Variants in HHAT observed in about 807,000 individuals in gnomAD.
The protein encoded by HHAT is hedgehog acyltransferase, also known as protein-cysteine N-palmitoyltransferase HHAT.
In HHAT, 47 loss-of-function variants were observed where a neutral mutation model predicts 70.8. That is an observed-to-expected ratio of 0.66 (90% CI 0.53 to 0.85). The LOEUF (loss-of-function observed/expected upper bound fraction) is 0.85. HHAT is among the 40% of genes least tolerant of loss of function. The probability of loss-of-function intolerance (pLI) is 0.00; values close to 1 mark genes in which losing one functional copy is unlikely to be tolerated. For missense variants in HHAT, 609 were observed against 604.8 expected, an observed-to-expected ratio of 1.01 and a Z score of -0.07; for synonymous variants, 228 against 247.6, an observed-to-expected ratio of 0.92 and a Z score of 0.74.
At chr1:210,355,995 C>A (rs1403780896) in intron 2 of HHAT, among the ~76,000 whole-genome samples, 1 of 152,092 alleles carries the variant, frequency 6.6e-6, no homozygotes, top group Non-Finnish European at 1.5e-5. Flanking sequence ...TAGCTCGCTG[C>A]AAACTCAAGT....
intron 2 of HHAT, among the ~76,000 whole-genome samples, chr1:210,357,401 A>T (rs548016598): frequency 6.6e-6 from 1 of 152,364 alleles, no homozygotes; most frequent in Non-Finnish European, 1.5e-5. Flanking sequence ...ATCTCAGAAG[A>T]TGAAGGATCA....
intron 9 of HHAT, among the ~76,000 whole-genome samples, chr1:210,536,534 C>T (rs999504763): frequency 6.6e-6 from 1 of 152,238 alleles, no homozygotes; most frequent in Non-Finnish European, 1.5e-5. Context: ...TGTATCTCTC[C>T]TCTGCTGTAT....
At chr1:210,630,872 G>A (rs540851181) in intron 11 of HHAT, 6 of 365,144 alleles carry the variant, frequency 1.6e-5, no homozygotes, top group South Asian at 8.5e-5. Flanking sequence ...GTGGACAGCC[G>A]TGGAGGCGGG....
chr1:210,575,968 T>C (rs12567982), intron 9 of HHAT, among the ~76,000 whole-genome samples: 32,286 of 152,098 alleles, frequency 0.21, 3,559 homozygotes, highest in Non-Finnish European at 0.24. Context: ...GACAGAAGTG[T>C]AGTAGGTACT....
intron 7 of HHAT, among the ~76,000 whole-genome samples, chr1:210,458,670 A>G (rs111833497): frequency 2.0e-5 from 3 of 152,160 alleles, no homozygotes; most frequent in Non-Finnish European, 4.4e-5. Context: ...GGATAAAATG[A>G]GTGGTTCAAT....
intron 8 of HHAT, among the ~76,000 whole-genome samples, chr1:210,479,692 T>C (rs2094362080): frequency 6.6e-6 from 1 of 152,210 alleles, no homozygotes; most frequent in Non-Finnish European, 1.5e-5. Context: ...GTAAATATTG[T>C]GGTCAGTGGA....
At chr1:210,435,016 T>C (rs1445194015) in intron 7 of HHAT, among the ~76,000 whole-genome samples, 1 of 151,906 alleles carries the variant, frequency 6.6e-6, no homozygotes, top group Non-Finnish European at 1.5e-5. Flanking sequence ...TTTTGAAACA[T>C]ACAATCAATT....
chr1:210,478,798 C>T (rs1005632922), intron 8 of HHAT, among the ~76,000 whole-genome samples: 1 of 152,138 alleles, frequency 6.6e-6, no homozygotes, highest in Non-Finnish European at 1.5e-5. Flanking sequence ...TCAAAAGTGC[C>T]ATTTATCCAG....
chr1:210,386,237 T>TTTTC (rs2091049575), intron 3 of HHAT, among the ~76,000 whole-genome samples: 1 of 98,644 alleles, frequency 1.0e-5, no homozygotes, highest in African/African-American at 4.1e-5. Flanking sequence ...TTTCTTTTTT[T>TTTTC]TTTTTTTTTT....
intron 8 of HHAT, among the ~76,000 whole-genome samples, chr1:210,472,474 T>G (rs147495976): frequency 2.8e-4 from 42 of 152,294 alleles, no homozygotes; most frequent in Admixed American, 1.2e-3. Flanking sequence ...TGAAGCAGAT[T>G]TCTCCTTCGT....
chr1:210,560,131 G>T (rs979055037), intron 9 of HHAT, among the ~76,000 whole-genome samples: 9 of 152,160 alleles, frequency 5.9e-5, no homozygotes, highest in African/African-American at 2.2e-4. Flanking sequence ...CAGTCCTGAG[G>T]CATTCAGTCC....
At chr1:210,486,057 G>A (rs1051075228) in intron 8 of HHAT, among the ~76,000 whole-genome samples, 6 of 152,112 alleles carry the variant, frequency 3.9e-5, no homozygotes, top group Non-Finnish European at 2.9e-5. Flanking sequence ...GGAATTATAC[G>A]TGCTTGAATT....
intron 3 of HHAT, among the ~76,000 whole-genome samples, chr1:210,386,230 C>CTTTCTTTCTTTTTTTT (rs1324452281): frequency 2.9e-5 from 2 of 69,926 alleles, no homozygotes; most frequent in South Asian, 6.3e-4. Context: ...TTCTTTTTTT[C>CTTTCTTTCTTTTTTTT]TTTTTTTTTT....
At chr1:210,459,102 T>G (rs1468804975) in intron 7 of HHAT, among the ~76,000 whole-genome samples, 1 of 152,194 alleles carries the variant, frequency 6.6e-6, no homozygotes, top group Non-Finnish European at 1.5e-5. Context: ...GGCCCGTTGT[T>G]AGGCAGAATT....
chr1:210,655,121 G>A (rs1408338502), intron 11 of HHAT, among the ~76,000 whole-genome samples: 1 of 151,958 alleles, frequency 6.6e-6, no homozygotes, highest in African/African-American at 2.4e-5. Flanking sequence ...CAGAAGCTGC[G>A]GCAGCTGAGG....
At chr1:210,536,904 A>G (rs2148650605) in intron 9 of HHAT, among the ~76,000 whole-genome samples, 1 of 152,324 alleles carries the variant, frequency 6.6e-6, no homozygotes, top group East Asian at 1.9e-4. Context: ...ATGACAATAA[A>G]AAATATCACC....
intron 7 of HHAT, among the ~76,000 whole-genome samples, chr1:210,445,368 C>G (rs2093614544): frequency 6.6e-6 from 1 of 152,120 alleles, no homozygotes; most frequent in Non-Finnish European, 1.5e-5. Flanking sequence ...AGCTTTCAAC[C>G]TACTTTGAAA....
chr1:210,533,439 A>AG (rs1255720440), intron 9 of HHAT, among the ~76,000 whole-genome samples: 1 of 151,626 alleles, frequency 6.6e-6, no homozygotes, highest in Non-Finnish European at 1.5e-5. Flanking sequence ...GTCAACTCCA[A>AG]GGGAAATGGG....
At chr1:210,573,415 T>C in intron 9 of HHAT, among the ~76,000 whole-genome samples, 1 of 152,188 alleles carries the variant, frequency 6.6e-6, no homozygotes, top group East Asian at 1.9e-4. Context: ...AGAGGTATTG[T>C]CGGGAAAGTT....
Sources: allele counts gnomAD v4.1 joint callset (sites outside exome capture counted in the v4.1 genomes callset), GRCh38; gene constraint gnomAD v4.1.1; transcripts MANE v1.5; gene names NCBI Gene and HGNC (gene_info 2026-07-23, HGNC 2026-07-21).